EGF: variants seen among roughly 807,000 people sequenced by gnomAD.
The protein encoded by EGF is epidermal growth factor, also known as pro-epidermal growth factor.
A neutral mutation model predicts 143.8 loss-of-function variants in EGF; 95 were observed. The observed-to-expected ratio is 0.66, with a 90% CI of 0.56 to 0.78. The LOEUF is 0.78. EGF is among the 30% of genes least tolerant of loss of function. The pLI is 0.00. For missense variants in EGF, 1,320 were observed against 1,470.9 expected, an observed-to-expected ratio of 0.90 and a Z score of 1.68; for synonymous variants, 510 against 510.5, an observed-to-expected ratio of 1.00 and a Z score of 0.01.
intron 11 of EGF, 87 bp from the exon 12 acceptor site, chr4:109,974,616 T>G: frequency 1.0e-6 from 1 of 993,896 alleles, no homozygotes; most frequent in South Asian, 1.3e-5. Context: ...ATGCCTATCT[T>G]TGCATTTCAG....
chr4:109,918,233 T>C (rs1482151186), intron 1 of EGF, among the ~76,000 whole-genome samples: 1 of 151,324 alleles, frequency 6.6e-6, no homozygotes, highest in Non-Finnish European at 1.5e-5. Flanking sequence ...GCTCTGTTCC[T>C]TTCTCTTGAT....
chr4:109,938,985 C>T (rs967646082), intron 1 of EGF, among the ~76,000 whole-genome samples: 3 of 152,218 alleles, frequency 2.0e-5, no homozygotes, highest in African/African-American at 7.2e-5. Flanking sequence ...CAGGGACCCA[C>T]TTGAGGAGGC....
At position 109,961,005 on chromosome 4, in the gene EGF, A is replaced by C; in HGVS notation, c.1189+16A>C. ...CGATGTCATCGTAAGTTATAGCAAC[A>C]AGTATTTATTGCATTAGTTTTCTTC... On this transcript the variant is annotated intron_variant, in intron 7 of 23. Coordinates refer to ENST00000265171, the MANE Select transcript of EGF (RefSeq NM_001963.6). The C allele has an allele frequency of 6.2e-7, 1 of 1,613,598 alleles. No homozygotes were observed. The highest frequency in any genetic ancestry group is 1.1e-5 in the South Asian group (1 of 91,074).
At position 109,914,866 on chromosome 4, in the gene EGF, C is replaced by T. The variant is rs763828216; in HGVS notation, c.127+1404C>T. On this transcript the variant is annotated intron_variant, in intron 1 of 23. Transcript: ENST00000265171. ...CTCTCTTTGGGGTGGGAGAATTTTC[C>T]GTGGAGTAGTTGGCAAATATCTAGA... Among the ~76,000 whole-genome samples, 21 of 152,102 alleles carry T rather than the reference C, an allele frequency of 1.4e-4. 1 individual carries two copies. Among genetic ancestry groups the T allele is most frequent in the Admixed American group, 3.9e-4 (6 of 15,262 alleles).
At chr4:109,954,695 T>G (rs1394211968) in intron 5 of EGF, among the ~76,000 whole-genome samples, 1 of 152,188 alleles carries the variant, frequency 6.6e-6, no homozygotes, top group Admixed American at 6.5e-5. Flanking sequence ...AACTAACATA[T>G]ATTTTATGTG....
At chr4:109,924,173 G>C (rs1468847446) in intron 1 of EGF, among the ~76,000 whole-genome samples, 1 of 151,588 alleles carries the variant, frequency 6.6e-6, no homozygotes, top group African/African-American at 2.4e-5. Context: ...TTATGGATGA[G>C]AGGCTGAGAT....
intron 8 of EGF, 113 bp from the exon 9 acceptor site, chr4:109,963,060 A>G (rs2126063706): frequency 3.9e-6 from 5 of 1,275,054 alleles, no homozygotes; most frequent in Admixed American, 1.8e-5. Flanking sequence ...GTGAAACTCC[A>G]TCTCAAAAAA....
At chr4:109,974,978 T>G (rs1748258755) in intron 12 of EGF, among the ~76,000 whole-genome samples, 171 bp downstream of exon 12, 1 of 152,204 alleles carries the variant, frequency 6.6e-6, no homozygotes. Context: ...TGTATAATAA[T>G]TTTATTGTTA....
chr4:109,964,570 T>C (rs1399882135), intron 10 of EGF, 33 bp downstream of exon 10: 3 of 1,613,472 alleles, frequency 1.9e-6, no homozygotes, highest in Non-Finnish European at 2.5e-6. Flanking sequence ...GATGTGGACA[T>C]GCTTTAAGGA....
chr4:109,960,308 C>T (rs1478872469), intron 6 of EGF, among the ~76,000 whole-genome samples: 10 of 152,176 alleles, frequency 6.6e-5, no homozygotes, highest in Admixed American at 5.9e-4. Flanking sequence ...AATAATACTA[C>T]CTTTTTCCCA....
intron 21 of EGF, among the ~76,000 whole-genome samples, chr4:110,001,472 G>A (rs1312041011): frequency 6.6e-6 from 1 of 152,154 alleles, no homozygotes; most frequent in African/African-American, 2.4e-5. Context: ...TTGGATATGT[G>A]TAGAAAGAAT....
At chr4:109,955,670 G>T (rs1299754159) in intron 5 of EGF, among the ~76,000 whole-genome samples, 1 of 152,210 alleles carries the variant, frequency 6.6e-6, no homozygotes, top group Non-Finnish European at 1.5e-5. Context: ...TTGAGTTCTA[G>T]CTCTAAGGTT....
At chr4:109,930,142 T>C in intron 1 of EGF, among the ~76,000 whole-genome samples, 1 of 152,234 alleles carries the variant, frequency 6.6e-6, no homozygotes, top group Non-Finnish European at 1.5e-5. Context: ...CCTCACCAGC[T>C]GTGTGGAGCT....
At chr4:109,967,453 A>G (rs1457982692) in intron 10 of EGF, among the ~76,000 whole-genome samples, 1 of 152,218 alleles carries the variant, frequency 6.6e-6, no homozygotes, top group African/African-American at 2.4e-5. Flanking sequence ...GCCTTATAGT[A>G]TAAAGTCAGG....
intron 13 of EGF, among the ~76,000 whole-genome samples, chr4:109,977,975 A>G (rs1748763076): frequency 6.6e-6 from 1 of 152,270 alleles, no homozygotes; most frequent in South Asian, 2.1e-4. Flanking sequence ...AGCATAGCAG[A>G]TACTTTGTGT....
In EGF at chr4:109,913,245, C is replaced by G. The variant is rs74541082; in HGVS notation, c.-91C>G. 1 of 1,551,928 alleles carries G rather than the reference C, an allele frequency of 6.4e-7. No individual in the cohort carries two copies. The highest frequency in any genetic ancestry group is 1.1e-5 in the South Asian group (1 of 89,164). On this transcript the variant is annotated 5_prime_UTR_variant, in exon 1 of 24. Transcript: ENST00000265171. ...GGGCTGAGGCCTCCGCTCAGGCAGC[C>G]GCATCTGGGGTCAATCATACTCACC...
chr4:110,003,999 A>G (rs541814509), intron 21 of EGF, among the ~76,000 whole-genome samples: 16 of 152,170 alleles, frequency 1.1e-4, no homozygotes, highest in East Asian at 5.8e-4. Context: ...CCAAGCCCCA[A>G]TGGCTTCACT....
At chr4:109,950,425 C>T (rs1039796525) in intron 5 of EGF, among the ~76,000 whole-genome samples, 3 of 152,188 alleles carry the variant, frequency 2.0e-5, no homozygotes, top group African/African-American at 7.2e-5. Flanking sequence ...CTGCAGGTTT[C>T]TCTCTCCAGC....
At chr4:109,962,254 G>C (rs1578270416) in intron 8 of EGF, among the ~76,000 whole-genome samples, 1 of 152,192 alleles carries the variant, frequency 6.6e-6, no homozygotes, top group Non-Finnish European at 1.5e-5. Flanking sequence ...GTTACTAGCA[G>C]TTTTGATTTT....
Sources: gnomAD v4.1 joint callset for allele counts (sites outside exome capture counted in the v4.1 genomes callset) on GRCh38, gnomAD v4.1.1 for gene constraint, MANE v1.5 for transcripts, NCBI Gene and HGNC (gene_info 2026-07-23, HGNC 2026-07-21) for gene names.